The following ANK3 variants were observed in gnomAD, a reference collection of about 807,000 sequenced individuals.
ANK3 encodes ankyrin-3.
A neutral mutation model predicts 370.9 loss-of-function variants in ANK3; 57 were observed. The ratio of observed to expected loss-of-function variants is 0.15; its 90% CI spans 0.12 to 0.19. The LOEUF (loss-of-function observed/expected upper bound fraction) is 0.19, where lower values mean the gene tolerates loss of function less well. Ranked by LOEUF, ANK3 falls within the 10% of genes least tolerant of loss-of-function variation. The pLI is 1.00. For missense variants in ANK3, 4,439 were observed against 5,302.1 expected (o/e 0.84, Z 5.06); for synonymous variants, 1,929 against 1,946.3 (o/e 0.99, Z 0.23).
chr10:60,329,067 T>C (rs958469699), intron 1 of ANK3, among the ~76,000 whole-genome samples: 1 of 152,160 alleles, frequency 6.6e-6, no homozygotes, highest in African/African-American at 2.4e-5. Flanking sequence ...GAAAAGGCCT[T>C]CAATAAAATT....
intron 2 of ANK3, chr10:60,572,577 T>C (rs1481525361): frequency 6.5e-7 from 1 of 1,529,522 alleles, no homozygotes; most frequent in South Asian, 1.2e-5. Flanking sequence ...CCGCCGGTAT[T>C]CCAACATCCA....
chr10:60,043,832 G>C (rs149211045), intron 42 of ANK3: 21 of 984,956 alleles, frequency 2.1e-5, no homozygotes, highest in Admixed American at 6.2e-5. Context: ...GGCACATTCT[G>C]TCCCCTATAA....
intron 2 of ANK3, among the ~76,000 whole-genome samples, chr10:60,556,076 A>G (rs1567142717): frequency 6.6e-6 from 1 of 152,184 alleles, no homozygotes. Context: ...CCTCTTTATA[A>G]CATCGCTCAG....
chr10:60,151,544 C>A (rs1394939210), intron 23 of ANK3, among the ~76,000 whole-genome samples: 1 of 152,010 alleles, frequency 6.6e-6, no homozygotes, highest in Non-Finnish European at 1.5e-5. Context: ...TGAGGTCTTA[C>A]CAGAAGCAGA....
intron 2 of ANK3, among the ~76,000 whole-genome samples, chr10:60,540,878 A>T (rs747646862): frequency 1.3e-5 from 2 of 151,976 alleles, no homozygotes; most frequent in African/African-American, 4.8e-5. Context: ...TTAAATGTGC[A>T]TATCAAAATT....
intron 18 of ANK3, among the ~76,000 whole-genome samples, chr10:60,174,617 A>T (rs1163244232): frequency 6.6e-6 from 1 of 152,244 alleles, no homozygotes; most frequent in East Asian, 1.9e-4. Flanking sequence ...AATATTTTTT[A>T]AAAATCTAAA....
At chr10:60,459,323 A>G (rs996947936) in intron 2 of ANK3, among the ~76,000 whole-genome samples, 2 of 152,094 alleles carry the variant, frequency 1.3e-5, no homozygotes, top group African/African-American at 2.4e-5. Context: ...CTCATTCACC[A>G]TATTTCTCAT....
intron 7 of ANK3, among the ~76,000 whole-genome samples, chr10:60,236,444 G>T (rs2097335471): frequency 6.6e-6 from 1 of 152,070 alleles, no homozygotes; most frequent in South Asian, 2.1e-4. Flanking sequence ...AATCTCCACA[G>T]CTCCTCTATC....
chr10:60,631,535 A>T (rs2078484111), intron 1 of ANK3, among the ~76,000 whole-genome samples: 1 of 152,076 alleles, frequency 6.6e-6, no homozygotes, highest in South Asian at 2.1e-4. Context: ...CATCTCAAAA[A>T]ATAAAATAAA....
At chr10:60,478,219 AG>A (rs1219344164) in intron 2 of ANK3, among the ~76,000 whole-genome samples, 2 of 152,102 alleles carry the variant, frequency 1.3e-5, no homozygotes, top group African/African-American at 4.8e-5. Flanking sequence ...AGAGGTTATT[AG>A]TCTGACTCAA....
chr10:60,364,560 G>T (rs1003293120), intron 1 of ANK3, among the ~76,000 whole-genome samples: 1 of 151,988 alleles, frequency 6.6e-6, no homozygotes, highest in Non-Finnish European at 1.5e-5. Flanking sequence ...GGAGGCTACG[G>T]GTGGGATAGC....
chr10:60,261,843 A>T lies in ANK3; in HGVS notation c.798+16T>A, dbSNP rs2097811366. 6.2e-7 allele frequency: 1 copy of T among 1,609,918 alleles called. No homozygotes were observed. Among genetic ancestry groups the T allele is most frequent in the Non-Finnish European group, 8.5e-7 (1 of 1,176,412 alleles). On this transcript the variant is annotated intron_variant, in intron 7 of 43. Transcript: ENST00000280772. Reference sequence around the variant, plus strand: ...TGCAAATGCTTTAAAGGTATTACACATTGCTGTGCTCTTACCCTTGCGGTG... The same window carrying T: ...TGCAAATGCTTTAAAGGTATTACACTTTGCTGTGCTCTTACCCTTGCGGTG...
chr10:60,512,430 G>C (rs530191964), intron 2 of ANK3, among the ~76,000 whole-genome samples: 2 of 152,206 alleles, frequency 1.3e-5, no homozygotes, highest in South Asian at 2.1e-4. Flanking sequence ...AAGTGTTTAA[G>C]ATACCACCAA....
chr10:60,065,541 C>T (rs1589464462), intron 38 of ANK3, among the ~76,000 whole-genome samples: 1 of 152,108 alleles, frequency 6.6e-6, no homozygotes, highest in South Asian at 2.1e-4. Context: ...AGAAATTTAC[C>T]CTGACAATAT....
intron 10 of ANK3, among the ~76,000 whole-genome samples, chr10:60,206,586 G>T (rs2096766755): frequency 1.3e-5 from 2 of 152,144 alleles, no homozygotes; most frequent in Non-Finnish European, 2.9e-5. Context: ...GGTTTATTCT[G>T]TTCTCTTTGC....
chr10:60,463,844 T>G (rs73271017), intron 2 of ANK3, among the ~76,000 whole-genome samples: 3,966 of 152,168 alleles, frequency 0.026, 115 homozygotes, highest in African/African-American at 0.067. Context: ...AGATTTTTTT[T>G]TGTGTGTGGA....
chr10:60,307,973 T>C (rs1218711280), intron 1 of ANK3, among the ~76,000 whole-genome samples: 1 of 152,222 alleles, frequency 6.6e-6, no homozygotes, highest in East Asian at 1.9e-4. Flanking sequence ...ATGTGACTCC[T>C]GAAAACTTGT....
chr10:60,343,122 T>A (rs1025606683), intron 1 of ANK3, among the ~76,000 whole-genome samples: 13 of 152,186 alleles, frequency 8.5e-5, no homozygotes, highest in Admixed American at 7.9e-4. Context: ...ATCAGTCCTA[T>A]CCCTTTATTC....
intron 1 of ANK3, among the ~76,000 whole-genome samples, chr10:60,382,379 C>T (rs1048850667): frequency 6.6e-6 from 1 of 152,074 alleles, no homozygotes; most frequent in African/African-American, 2.4e-5. Context: ...TAAGTTCAGA[C>T]AAAACTGAGG....
Sources: allele counts gnomAD v4.1 joint callset (sites outside exome capture counted in the v4.1 genomes callset), GRCh38; gene constraint gnomAD v4.1.1; transcripts MANE v1.5; gene names NCBI Gene and HGNC (gene_info 2026-07-23, HGNC 2026-07-21).